UBOX5: variants seen among roughly 807,000 people sequenced by gnomAD.
UBOX5 encodes the protein RING finger protein 37.
A neutral mutation model predicts 39.0 loss-of-function variants in UBOX5; 28 were observed. That is an observed-to-expected ratio of 0.72 (90% CI 0.53 to 0.98). The LOEUF (loss-of-function observed/expected upper bound fraction) is 0.98, where lower values mean the gene tolerates loss of function less well. UBOX5 is among the 50% of genes least tolerant of loss of function. The pLI is 0.00. For missense variants in UBOX5, 585 were observed against 674.4 expected (o/e 0.87, Z 1.47); for synonymous variants, 283 against 275.5 (o/e 1.03, Z -0.27).
intron 1 of UBOX5, among the ~76,000 whole-genome samples, chr20:3,141,089 C>T (rs879803954): frequency 6.6e-6 from 1 of 151,392 alleles, no homozygotes; most frequent in Non-Finnish European, 1.5e-5. Flanking sequence ...CGGCTAATTT[C>T]TGTATTTTCA....
chr20:3,147,831 C>G (rs1424133392), intron 1 of UBOX5: 1 of 1,614,228 alleles, frequency 6.2e-7, no homozygotes, highest in Admixed American at 1.7e-5. Flanking sequence ...GACGCAGCCA[C>G]TGCATTCATT....
At chr20:3,127,285 C>T (rs1228217451) in intron 1 of UBOX5, among the ~76,000 whole-genome samples, 2 of 152,118 alleles carry the variant, frequency 1.3e-5, no homozygotes, top group Non-Finnish European at 2.9e-5. Context: ...CCTCTGGGCC[C>T]CTTTTGCTGT....
At position 3,113,255 on chromosome 20, in the gene UBOX5, T is replaced by G. The variant is rs147732399; in HGVS notation, c.1417+2050A>C. Among the ~76,000 whole-genome samples the G allele has an allele frequency of 7.9e-3, 1,124 of 142,172 alleles. 17 individuals carry two copies. Among genetic ancestry groups the G allele is most frequent in the African/African-American group, 0.029 (1,068 of 37,270 alleles). The allele number at this position is 142,172 out of a possible 152,430, so 93.3% of individuals were successfully genotyped here. A position where few individuals can be genotyped will look rare whatever the true frequency, so the allele number is the denominator to read the frequency against. On this transcript the variant is annotated intron_variant, in intron 4 of 4. Transcript: ENST00000217173. ...GTGAGCCGAGATTGCGCCATTGTACTCTAGCCCGGGCAACAGAGCGAAACA... is the reference window on the plus strand; with the variant it reads ...GTGAGCCGAGATTGCGCCATTGTACGCTAGCCCGGGCAACAGAGCGAAACA...
chr20:3,137,481 C>G (rs1316280943), intron 1 of UBOX5, among the ~76,000 whole-genome samples: 2 of 151,570 alleles, frequency 1.3e-5, no homozygotes, highest in Non-Finnish European at 2.9e-5. Context: ...GTTGGCCAGG[C>G]TGGTCTTGAA....
intron 1 of UBOX5, chr20:3,147,896 C>T (rs879073424): frequency 1.9e-6 from 3 of 1,614,186 alleles, no homozygotes; most frequent in Non-Finnish European, 2.5e-6. Context: ...GTGCATGACA[C>T]CTTGAACTCC....
chr20:3,125,246 G>A (rs2066372766), intron 1 of UBOX5, among the ~76,000 whole-genome samples: 1 of 147,940 alleles, frequency 6.8e-6, no homozygotes, highest in African/African-American at 2.5e-5. Context: ...GGGAAGTGAG[G>A]AGTGCCTCTG....
At chr20:3,146,738 A>G in intron 1 of UBOX5, 1 of 1,588,394 alleles carries the variant, frequency 6.3e-7, no homozygotes, top group Non-Finnish European at 8.6e-7. Context: ...TACAGTATAC[A>G]CCTATAGCTT....
rs2066340248 is a variant in UBOX5, at chr20:3,121,932, G to A, written c.707C>T (p.Pro236Leu). Reference protein sequence around the residue: ...PALPMESDCDPGDQPESQQAP... With the variant: ...PALPMESDCDLGDQPESQQAP... ...CTGCTGGCTCTCAGGCTGGTCCCCA[G>A]GGTCACAGTCACTTTCCATGGGCAA... The change falls in exon 3 of 5, where the codon CCT (proline) becomes CTT (leucine). Residue 236 changes from proline to leucine, a missense_variant. Pro to Leu is a moderately conservative substitution (Grantham distance 98, BLOSUM62 -3). Transcript: ENST00000217173. 3 of 1,613,704 alleles carry A rather than the reference G, an allele frequency of 1.9e-6. No individual in the cohort carries two copies. The African/African-American group carries it at 4.0e-5, about 22-fold the overall frequency.
intron 1 of UBOX5, among the ~76,000 whole-genome samples, chr20:3,140,908 GT>G (rs2066512385): frequency 6.8e-6 from 1 of 146,850 alleles, no homozygotes; most frequent in Non-Finnish European, 1.5e-5. Flanking sequence ...TTTTTTTAGG[GT>G]TGCCAGATTT....
chr20:3,152,859 TCATA>T (rs2066645628), intron 1 of UBOX5, among the ~76,000 whole-genome samples: 1 of 150,956 alleles, frequency 6.6e-6, no homozygotes, highest in African/African-American at 2.4e-5. Context: ...TGAGCTGAGA[TCATA>T]CTACTGCATT....
intron 1 of UBOX5, among the ~76,000 whole-genome samples, chr20:3,132,386 ATAAT>A (rs1382493102): frequency 3.3e-5 from 5 of 152,218 alleles, no homozygotes; most frequent in Non-Finnish European, 7.3e-5. Flanking sequence ...AAACTTAATA[ATAAT>A]TAATCAATAT....
intron 1 of UBOX5, among the ~76,000 whole-genome samples, chr20:3,140,784 T>C (rs1352855292): frequency 2.6e-5 from 4 of 152,048 alleles, no homozygotes; most frequent in South Asian, 4.1e-4. Context: ...TATTGCATGA[T>C]GCTTAAGGTT....
chr20:3,120,332 C>A (rs1312401691), intron 3 of UBOX5, among the ~76,000 whole-genome samples: 1 of 129,676 alleles, frequency 7.7e-6, no homozygotes. Context: ...GGTGACAGAG[C>A]GAGACTCCAT....
At chr20:3,145,580 G>A (rs548640373) in intron 1 of UBOX5, among the ~76,000 whole-genome samples, 4 of 151,978 alleles carry the variant, frequency 2.6e-5, no homozygotes, top group East Asian at 1.9e-4. Context: ...CTAGGACTGC[G>A]GGGGCACACC....
At chr20:3,114,380 G>C (rs1198442193) in intron 4 of UBOX5, among the ~76,000 whole-genome samples, 1 of 152,182 alleles carries the variant, frequency 6.6e-6, no homozygotes, top group Non-Finnish European at 1.5e-5. Flanking sequence ...AAAGCCAAGA[G>C]AGAAGGCGTT....
At position 3,122,443 on chromosome 20, in the gene UBOX5, T is replaced by C; in HGVS notation, c.196A>G (p.Ile66Val). The C allele has an allele frequency of 6.2e-7, 1 of 1,614,196 alleles. No individual in the cohort carries two copies. The highest frequency in any genetic ancestry group is 8.5e-7 in the Non-Finnish European group (1 of 1,180,042). ...SFPFNVEICR[I>V]NIDLTAGGGQ... ...CCCCCAGCTGTGAGGTCTATGTTGA[T>C]CCTACAGATTTCCACATTAAAGGGA... The change falls in exon 3 of 5, where the codon ATC (isoleucine) becomes GTC (valine). Residue 66 changes from isoleucine to valine, a missense_variant. Physicochemically the swap from Ile to Val is conservative, Grantham distance 29 (BLOSUM62 3). Transcript: ENST00000217173.
Position 3,110,306 on chromosome 20 carries a change from C to A in UBOX5, c.1426G>T (p.Gly476Trp). 1 of 1,614,048 alleles carries A rather than the reference C, an allele frequency of 6.2e-7. No individual in the cohort carries two copies. Among genetic ancestry groups the A allele is most frequent in the Non-Finnish European group, 8.5e-7 (1 of 1,179,958 alleles). The change falls in exon 5 of 5, where the codon GGG (glycine) becomes TGG (tryptophan). Residue 476 changes from glycine to tryptophan, a missense_variant. Physicochemically the swap from Gly to Trp is radical, Grantham distance 184. Transcript: ENST00000217173. ...GCACATTCGGGGCCCAGGATGCTCC[C>A]AGGCTGCTCTGGTAAATCAGGAAGG... ...WRPGTGSEQP[G>W]SILGPECASC...
chr20:3,131,076 A>C (rs2066425691), intron 1 of UBOX5, among the ~76,000 whole-genome samples: 1 of 152,100 alleles, frequency 6.6e-6, no homozygotes, highest in Non-Finnish European at 1.5e-5. Context: ...TGAAAATACA[A>C]AAATTATCCA....
At chr20:3,115,158 A>G in intron 4 of UBOX5, 147 bp downstream of exon 4, 1 of 998,304 alleles carries the variant, frequency 1.0e-6, no homozygotes. Flanking sequence ...GCAAGAGAAC[A>G]GGTTCTCTCC....
Sources: allele counts gnomAD v4.1 joint callset (sites outside exome capture counted in the v4.1 genomes callset), GRCh38; gene constraint gnomAD v4.1.1; transcripts MANE v1.5; gene names NCBI Gene and HGNC (gene_info 2026-07-23, HGNC 2026-07-21).